The following GRID2 variants were observed in gnomAD, a reference collection of about 807,000 sequenced individuals.
The protein encoded by GRID2 is glutamate ionotropic receptor delta type subunit 2.
In GRID2, 33 loss-of-function variants were observed where a neutral mutation model predicts 114.8. The ratio of observed to expected loss-of-function variants is 0.29; its 90% CI spans 0.22 to 0.38. The LOEUF (loss-of-function observed/expected upper bound fraction) is 0.38. GRID2 is among the 10% of genes least tolerant of loss of function. The pLI, the probability that GRID2 is intolerant of heterozygous loss-of-function variation, is 1.00. For missense variants in GRID2, 1,184 were observed against 1,257.7 expected (o/e 0.94, Z 0.89); for synonymous variants, 505 against 449.9 (o/e 1.12, Z -1.55).
chr4:92,471,927 T>TATGAATG (rs1560653188), intron 1 of GRID2, among the ~76,000 whole-genome samples: 1 of 30,624 alleles, frequency 3.3e-5, no homozygotes, highest in African/African-American at 9.8e-5. Flanking sequence ...TCCATATTTC[T>TATGAATG]TTTTTTTTTT....
intron 2 of GRID2, among the ~76,000 whole-genome samples, chr4:92,830,853 T>C (rs959842322): frequency 2.6e-5 from 4 of 152,308 alleles, no homozygotes; most frequent in African/African-American, 4.8e-5. Context: ...TATCTGGGTA[T>C]TGCAATAATT....
At chr4:92,571,615 T>C (rs1439622211) in intron 1 of GRID2, among the ~76,000 whole-genome samples, 3 of 152,066 alleles carry the variant, frequency 2.0e-5, no homozygotes, top group Non-Finnish European at 4.4e-5. Context: ...TATTCCAAAA[T>C]TGACCACATA....
chr4:92,648,814 T>A (rs1415014125), intron 2 of GRID2, among the ~76,000 whole-genome samples: 1 of 148,264 alleles, frequency 6.7e-6, no homozygotes, highest in Non-Finnish European at 1.5e-5. Flanking sequence ...TTCACATTTA[T>A]TCCATATTAA....
intron 5 of GRID2, 59 bp from the exon 6 acceptor site, chr4:93,216,679 G>T: frequency 9.1e-7 from 1 of 1,100,752 alleles, no homozygotes; most frequent in East Asian, 2.4e-5. Flanking sequence ...ACTCATAATA[G>T]GTTTGTGTTT....
At chr4:92,439,662 G>T (rs79102651) in intron 1 of GRID2, among the ~76,000 whole-genome samples, 1 of 145,316 alleles carries the variant, frequency 6.9e-6, no homozygotes, top group African/African-American at 2.4e-5. Context: ...GCCTGGATAC[G>T]GTTTTGTGCG....
At chr4:93,531,483 C>T (rs1731440645) in intron 13 of GRID2, among the ~76,000 whole-genome samples, 1 of 151,894 alleles carries the variant, frequency 6.6e-6, no homozygotes, top group African/African-American at 2.4e-5. Flanking sequence ...CTTTACTCAC[C>T]TTATCCTAGA....
At chr4:93,490,430 A>G (rs1284327003) in intron 11 of GRID2, among the ~76,000 whole-genome samples, 1 of 151,862 alleles carries the variant, frequency 6.6e-6, no homozygotes, top group African/African-American at 2.4e-5. Context: ...GTTATACTAA[A>G]TATTTATCAT....
rs140695016 is a variant in GRID2, at chr4:93,551,476, A to G, written c.2193+36065A>G. Among the ~76,000 whole-genome samples, 212 of 150,996 alleles carry G rather than the reference A, an allele frequency of 1.4e-3. No homozygotes were observed. The Middle Eastern group carries it at 0.017, about 12-fold the overall frequency. ...TGAGATGAGCTTGGCAGAGATAGTG[A>G]TATTTAGGGAAAGCAAGCCATCCAG... On this transcript the variant is annotated intron_variant, in intron 13 of 15. Transcript: ENST00000282020.
intron 2 of GRID2, among the ~76,000 whole-genome samples, chr4:92,859,039 C>G (rs1001872134): frequency 7.9e-5 from 12 of 152,118 alleles, no homozygotes; most frequent in African/African-American, 2.9e-4. Context: ...GAAAATCCTA[C>G]TACGGGTAAA....
chr4:92,742,088 G>T (rs1456289497), intron 2 of GRID2, among the ~76,000 whole-genome samples: 1 of 151,878 alleles, frequency 6.6e-6, no homozygotes, highest in East Asian at 1.9e-4. Flanking sequence ...ATATAATATA[G>T]GAAAATTGTC....
chr4:93,055,069 C>A (rs777693067), intron 2 of GRID2, among the ~76,000 whole-genome samples: 3 of 151,770 alleles, frequency 2.0e-5, no homozygotes, highest in Non-Finnish European at 4.4e-5. Context: ...ACAGATATAA[C>A]CTTCTTATGG....
chr4:93,335,694 C>CTTTTTTTTTTTTTTT (rs55823712), intron 8 of GRID2, among the ~76,000 whole-genome samples: 14 of 141,720 alleles, frequency 9.9e-5, no homozygotes, highest in East Asian at 4.1e-4. Context: ...TTTCTTCTTT[C>CTTTTTTTTTTTTTTT]TTTTTTTTTT....
At chr4:93,519,025 G>A (rs1295441739) in intron 13 of GRID2, among the ~76,000 whole-genome samples, 2 of 152,140 alleles carry the variant, frequency 1.3e-5, no homozygotes, top group African/African-American at 4.8e-5. Flanking sequence ...CATCACGTGA[G>A]AGCTTCCTAA....
At chr4:92,699,085 A>G (rs1044897984) in intron 2 of GRID2, among the ~76,000 whole-genome samples, 1 of 152,116 alleles carries the variant, frequency 6.6e-6, no homozygotes, top group African/African-American at 2.4e-5. Context: ...AAGAAAAAAA[A>G]CAGTAATTTC....
Position 92,304,474 on chromosome 4 carries a change from C to A in GRID2, c.-183C>A, listed in dbSNP as rs1725273250. ...GCGAAGGAGGTTTCCTCAGGCTGGG[C>A]TCTTTCTGTCATTCCCTTCTGCCTT... On this transcript the variant is annotated 5_prime_UTR_variant, in exon 1 of 16. Transcript: ENST00000282020. 1.3e-5 allele frequency: 8 copies of A among 613,700 alleles called. No individual in the cohort carries two copies. In the South Asian group the frequency reaches 1.4e-4, roughly 11 times the overall value. The allele number at this position is 613,700 out of a possible 1,614,324, so 38.0% of individuals were successfully genotyped here.
At chr4:93,251,358 C>T (rs1270520457) in intron 8 of GRID2, among the ~76,000 whole-genome samples, 1 of 152,034 alleles carries the variant, frequency 6.6e-6, no homozygotes, top group Non-Finnish European at 1.5e-5. Context: ...ATTTTTGAAG[C>T]TCTATTTTTT....
intron 1 of GRID2, among the ~76,000 whole-genome samples, chr4:92,424,571 G>A (rs1732062304): frequency 6.6e-6 from 1 of 152,040 alleles, no homozygotes; most frequent in East Asian, 1.9e-4. Context: ...CCACCAACAT[G>A]TGGTAGTTAG....
chr4:92,824,220 T>C (rs1171002248), intron 2 of GRID2, among the ~76,000 whole-genome samples: 1 of 152,156 alleles, frequency 6.6e-6, no homozygotes, highest in Non-Finnish European at 1.5e-5. Context: ...ATAAATAGAA[T>C]CCATAAAATA....
intron 13 of GRID2, among the ~76,000 whole-genome samples, chr4:93,526,386 G>A (rs909055476): frequency 3.3e-5 from 5 of 152,054 alleles, no homozygotes; most frequent in African/African-American, 1.2e-4. Flanking sequence ...CCAGTCTCAG[G>A]CATTTCTTTA....
Sources: gnomAD v4.1 joint callset for allele counts (sites outside exome capture counted in the v4.1 genomes callset) on GRCh38, gnomAD v4.1.1 for gene constraint, MANE v1.5 for transcripts, NCBI Gene and HGNC (gene_info 2026-07-23, HGNC 2026-07-21) for gene names.